CA10: variants seen among roughly 807,000 people sequenced by gnomAD.
The protein encoded by CA10 is carbonic anhydrase 10 (inactive).
A neutral mutation model predicts 44.2 loss-of-function variants in CA10; 14 were observed. The observed-to-expected ratio is 0.32, with a 90% CI of 0.21 to 0.50. The LOEUF is 0.50. Among genes scored for constraint, CA10 ranks in the 20% least tolerant of loss-of-function variants. The pLI, the probability that CA10 is intolerant of heterozygous loss-of-function variation, is 0.99. For synonymous variants in CA10, 159 were observed against 141.6 expected (o/e 1.12, Z -0.87); for missense variants, 350 against 409.7 (o/e 0.85, Z 1.26).
At chr17:51,635,014 TC>T (rs1166305317) in intron 7 of CA10, among the ~76,000 whole-genome samples, 1 of 152,168 alleles carries the variant, frequency 6.6e-6, no homozygotes, top group Non-Finnish European at 1.5e-5. Context: ...ATGGGTTGAA[TC>T]GTGTACCCCT....
At chr17:51,806,508 T>C (rs1438107259) in intron 3 of CA10, among the ~76,000 whole-genome samples, 2 of 152,130 alleles carry the variant, frequency 1.3e-5, no homozygotes, top group Non-Finnish European at 2.9e-5. Context: ...TAATGGGAAA[T>C]ACAATAAACA....
chr17:51,834,306 A>G (rs1372384409), intron 3 of CA10, among the ~76,000 whole-genome samples: 4 of 152,230 alleles, frequency 2.6e-5, no homozygotes, highest in African/African-American at 9.6e-5. Context: ...GATTTTTCCC[A>G]GACTTCAATT....
chr17:51,969,284 T>C (rs1240489510), intron 2 of CA10, among the ~76,000 whole-genome samples: 2 of 152,040 alleles, frequency 1.3e-5, no homozygotes, highest in Non-Finnish European at 1.5e-5. Context: ...GCTTTACATA[T>C]GCCACCACAT....
chr17:52,021,701 A>C, intron 2 of CA10, among the ~76,000 whole-genome samples: 1 of 152,114 alleles, frequency 6.6e-6, no homozygotes, highest in African/African-American at 2.4e-5. Flanking sequence ...AATAAGCACT[A>C]TCAGAAACAA....
intron 3 of CA10, among the ~76,000 whole-genome samples, chr17:51,811,327 A>T (rs1395173662): frequency 6.6e-6 from 1 of 152,184 alleles, no homozygotes; most frequent in African/African-American, 2.4e-5. Flanking sequence ...TCTAGGGTAC[A>T]TGTGCACAAC....
intron 3 of CA10, among the ~76,000 whole-genome samples, chr17:51,858,577 C>T (rs1358791387): frequency 6.6e-6 from 1 of 152,200 alleles, no homozygotes; most frequent in Non-Finnish European, 1.5e-5. Flanking sequence ...TGAAAGCTGG[C>T]TTTAAGAGCT....
rs147249543 is a variant in CA10 at position 51,680,767 on chromosome 17, C to T, written c.466-27031G>A. Among the ~76,000 whole-genome samples the T allele has an allele frequency of 1.7e-3, 261 of 152,216 alleles. 1 individual carries two copies. Among genetic ancestry groups the T allele is most frequent in the African/African-American group, 5.8e-3 (240 of 41,530 alleles). ...CTCAATAACATGCTCAGTCTGAGGA[C>T]TCTTCTGTGGTGTAGAATGACCATA... On this transcript the variant is annotated intron_variant, in intron 4 of 8. Coordinates refer to ENST00000451037, the MANE Select transcript of CA10 (RefSeq NM_020178.5).
chr17:52,057,323 CCCT>C (rs1407602186), intron 2 of CA10, among the ~76,000 whole-genome samples: 1 of 152,032 alleles, frequency 6.6e-6, no homozygotes, highest in Non-Finnish European at 1.5e-5. Context: ...TTCCTCTTTT[CCCT>C]CCTCCTCAGC....
At chr17:51,995,734 G>A (rs369932562) in intron 2 of CA10, among the ~76,000 whole-genome samples, 61 of 152,062 alleles carry the variant, frequency 4.0e-4, no homozygotes, top group African/African-American at 1.4e-3. Context: ...ACTCAACTGA[G>A]ATGGTTGGAT....
chr17:51,965,799 C>T (rs1211375774), intron 2 of CA10, among the ~76,000 whole-genome samples: 1 of 151,676 alleles, frequency 6.6e-6, no homozygotes, highest in Non-Finnish European at 1.5e-5. Context: ...TTTCTTAGAA[C>T]TGGGATAAAA....
intron 4 of CA10, among the ~76,000 whole-genome samples, chr17:51,658,072 G>T (rs190008824): frequency 1.4e-4 from 21 of 152,260 alleles, no homozygotes; most frequent in Non-Finnish European, 2.2e-4. Context: ...CTGAGAAATG[G>T]CAGGCAGTCT....
At chr17:51,950,597 G>A (rs993637226) in intron 2 of CA10, among the ~76,000 whole-genome samples, 122 of 151,914 alleles carry the variant, frequency 8.0e-4, no homozygotes, top group African/African-American at 2.9e-3. Context: ...TCTTCATTTG[G>A]GCCACCGCTT....
intron 3 of CA10, among the ~76,000 whole-genome samples, chr17:51,893,928 CAATAGAATAAACAATAAAA>C (rs917174047): frequency 1.4e-4 from 22 of 151,940 alleles, no homozygotes; most frequent in Non-Finnish European, 2.8e-4. Flanking sequence ...ACATATATGG[CAATAGAATAAACAATAAAA>C]AATTTAGAAT....
chr17:52,070,877 G>A (rs1465521626), intron 2 of CA10, among the ~76,000 whole-genome samples: 1 of 152,166 alleles, frequency 6.6e-6, no homozygotes, highest in African/African-American at 2.4e-5. Context: ...TACAGAGGAT[G>A]TTCTCTTTAC....
At chr17:52,143,178 T>C (rs1020447779) in intron 1 of CA10, among the ~76,000 whole-genome samples, 2 of 152,208 alleles carry the variant, frequency 1.3e-5, no homozygotes, top group Non-Finnish European at 2.9e-5. Flanking sequence ...TAAATCTTGA[T>C]TTCCATCAAT....
chr17:51,700,166 T>C (rs914217673), intron 4 of CA10, among the ~76,000 whole-genome samples: 8 of 152,172 alleles, frequency 5.3e-5, no homozygotes, highest in Non-Finnish European at 1.2e-4. Context: ...CTTGGAGAAC[T>C]GGTGAATGTC....
At chr17:51,890,898 G>T (rs1980827059) in intron 3 of CA10, among the ~76,000 whole-genome samples, 1 of 152,144 alleles carries the variant, frequency 6.6e-6, no homozygotes, top group South Asian at 2.1e-4. Context: ...ACTTGTTTCT[G>T]CTCAGTGCAC....
intron 3 of CA10, among the ~76,000 whole-genome samples, chr17:51,814,403 T>C (rs2143746303): frequency 6.6e-6 from 1 of 152,248 alleles, no homozygotes; most frequent in African/African-American, 2.4e-5. Flanking sequence ...ATAAAATGTG[T>C]TTTGGGAAAA....
At chr17:51,919,011 G>C (rs931317734) in intron 3 of CA10, among the ~76,000 whole-genome samples, 1 of 152,104 alleles carries the variant, frequency 6.6e-6, no homozygotes, top group African/African-American at 2.4e-5. Context: ...ACGCTGCATA[G>C]ACTCCTCAAA....
Sources: allele counts gnomAD v4.1 joint callset (sites outside exome capture counted in the v4.1 genomes callset), GRCh38; gene constraint gnomAD v4.1.1; transcripts MANE v1.5; gene names NCBI Gene and HGNC (gene_info 2026-07-23, HGNC 2026-07-21).